Variants in ERBB4 observed in about 807,000 individuals in gnomAD.
The protein encoded by ERBB4 is erb-b2 receptor tyrosine kinase 4.
Under a neutral mutation model 158.0 loss-of-function variants are expected in ERBB4, and 42 were observed. The observed-to-expected ratio is 0.27, with a 90% CI of 0.21 to 0.34. The LOEUF is 0.34. Among genes scored for constraint, ERBB4 ranks in the 10% least tolerant of loss-of-function variants. ERBB4 has a pLI of 1.00. For synonymous variants in ERBB4, 583 were observed against 558.7 expected (o/e 1.04, Z -0.61); for missense variants, 1,333 against 1,624.1 (o/e 0.82, Z 3.08).
At chr2:211,941,551 AC>A (rs1442427824) in intron 3 of ERBB4, among the ~76,000 whole-genome samples, 1 of 152,094 alleles carries the variant, frequency 6.6e-6, no homozygotes, top group Non-Finnish European at 1.5e-5. Context: ...GGCTGGGGCA[AC>A]AGGTGCTTGG....
At chr2:212,227,626 G>C (rs1222988141) in intron 1 of ERBB4, among the ~76,000 whole-genome samples, 1 of 152,032 alleles carries the variant, frequency 6.6e-6, no homozygotes, top group Admixed American at 6.6e-5. Flanking sequence ...TGAGCATCCA[G>C]ACACTGCAGA....
intron 17 of ERBB4, among the ~76,000 whole-genome samples, chr2:211,630,236 A>T (rs1381706120): frequency 6.6e-6 from 1 of 152,148 alleles, no homozygotes; most frequent in Non-Finnish European, 1.5e-5. Context: ...TACTTTCCCC[A>T]ATACAATAAT....
intron 12 of ERBB4, among the ~76,000 whole-genome samples, chr2:211,693,911 C>T (rs889447870): frequency 6.6e-6 from 1 of 152,152 alleles, no homozygotes; most frequent in African/African-American, 2.4e-5. Context: ...ATTCTGGGCT[C>T]ACCTCTATAT....
intron 12 of ERBB4, among the ~76,000 whole-genome samples, chr2:211,700,976 A>C (rs956545644): frequency 4.8e-4 from 73 of 152,328 alleles, no homozygotes; most frequent in African/African-American, 1.7e-3. Context: ...GATGTAGGAA[A>C]GAGTAGTATT....
chr2:212,308,354 A>G (rs1258392928), intron 1 of ERBB4, among the ~76,000 whole-genome samples: 3 of 151,138 alleles, frequency 2.0e-5, no homozygotes, highest in East Asian at 2.0e-4. Context: ...AATGTATAAC[A>G]CTTCATATTA....
At position 211,712,097 on chromosome 2, in the gene ERBB4, A is replaced by G; in HGVS notation, c.1077T>C (p.Cys359=). 1 of 1,611,958 alleles carries G rather than the reference A, an allele frequency of 6.2e-7. No individual in the cohort carries two copies. The highest frequency in any genetic ancestry group is 8.5e-7 in the Non-Finnish European group (1 of 1,178,094). The change falls in exon 9 of 28, where the codon TGT becomes TGC. Residue 359 remains cysteine (C), a synonymous_variant. Transcript: ENST00000342788. ...DSSNIDKFIN[C]TKINGNLIFL... Reference sequence around the variant, plus strand: ...AGATCAAATTCCCATTGATCTTGGTACAGTTTATGAATTTGTCAATGTTAC... The same window carrying G: ...AGATCAAATTCCCATTGATCTTGGTGCAGTTTATGAATTTGTCAATGTTAC...
At chr2:212,100,112 T>G (rs1337701872) in intron 2 of ERBB4, among the ~76,000 whole-genome samples, 2 of 152,210 alleles carry the variant, frequency 1.3e-5, no homozygotes, top group East Asian at 3.8e-4. Flanking sequence ...AAAACTTTTT[T>G]TTGTTGTTTC....
At chr2:211,763,580 C>G (rs932301361) in intron 4 of ERBB4, among the ~76,000 whole-genome samples, 1 of 152,064 alleles carries the variant, frequency 6.6e-6, no homozygotes, top group Non-Finnish European at 1.5e-5. Context: ...CTTATAATAT[C>G]TGTGGTTTGG....
chr2:211,732,312 C>T (rs190333969), intron 5 of ERBB4, among the ~76,000 whole-genome samples: 1 of 151,646 alleles, frequency 6.6e-6, no homozygotes, highest in East Asian at 1.9e-4. Context: ...TTTAACCAGC[C>T]ACAGTGTATT....
intron 15 of ERBB4, among the ~76,000 whole-genome samples, chr2:211,661,805 C>T (rs1288876177): frequency 1.3e-5 from 2 of 151,140 alleles, no homozygotes; most frequent in Non-Finnish European, 3.0e-5. Context: ...TTTGGGAGGC[C>T]GAGGCGGGCG....
At chr2:211,431,240 A>T in intron 20 of ERBB4, 140 bp from the exon 21 acceptor site, 1 of 741,276 alleles carries the variant, frequency 1.3e-6, no homozygotes, top group Non-Finnish European at 2.2e-6. Flanking sequence ...TTTCAAAATT[A>T]GAGAAAACCT....
At chr2:212,530,468 T>C (rs981753645) in intron 1 of ERBB4, among the ~76,000 whole-genome samples, 1 of 152,166 alleles carries the variant, frequency 6.6e-6, no homozygotes. Context: ...AAGATTTCAG[T>C]AAGAGTTTGC....
intron 20 of ERBB4, among the ~76,000 whole-genome samples, chr2:211,556,174 A>C (rs1194116279): frequency 1.3e-5 from 2 of 152,234 alleles, no homozygotes; most frequent in Admixed American, 6.5e-5. Context: ...ACCAAAAAAG[A>C]TCAAAAAAGA....
intron 3 of ERBB4, among the ~76,000 whole-genome samples, chr2:211,838,238 G>A (rs1385930971): frequency 6.6e-6 from 1 of 151,998 alleles, no homozygotes; most frequent in Admixed American, 6.6e-5. Context: ...CTGTGAGTGT[G>A]TGTCAGCGGG....
intron 1 of ERBB4, among the ~76,000 whole-genome samples, chr2:212,309,241 C>G (rs2086928626): frequency 6.6e-6 from 1 of 150,890 alleles, no homozygotes; most frequent in African/African-American, 2.4e-5. Context: ...AAAAATACAA[C>G]CAATCAACAC....
chr2:212,261,202 C>A (rs1299555022), intron 1 of ERBB4, among the ~76,000 whole-genome samples: 2 of 152,056 alleles, frequency 1.3e-5, no homozygotes, highest in African/African-American at 4.8e-5. Flanking sequence ...TAACTTGTGA[C>A]CAAGATACTG....
chr2:211,454,693 A>G (rs1275603523), intron 20 of ERBB4, among the ~76,000 whole-genome samples: 1 of 152,208 alleles, frequency 6.6e-6, no homozygotes, highest in African/African-American at 2.4e-5. Context: ...TTAACTTTAC[A>G]TCTCCTATTC....
intron 2 of ERBB4, among the ~76,000 whole-genome samples, chr2:212,016,375 T>C (rs1286693622): frequency 6.6e-6 from 1 of 152,080 alleles, no homozygotes; most frequent in Non-Finnish European, 1.5e-5. Flanking sequence ...CAGAAAACAA[T>C]TCGAGATAAT....
intron 3 of ERBB4, among the ~76,000 whole-genome samples, chr2:211,848,459 G>T (rs1246580669): frequency 6.6e-6 from 1 of 151,962 alleles, no homozygotes; most frequent in East Asian, 1.9e-4. Context: ...ATTGCTTTCT[G>T]GGCTTGTATG....
Sources: allele counts gnomAD v4.1 joint callset (sites outside exome capture counted in the v4.1 genomes callset), GRCh38; gene constraint gnomAD v4.1.1; transcripts MANE v1.5; gene names NCBI Gene and HGNC (gene_info 2026-07-23, HGNC 2026-07-21).